The following PEAR1 variants were observed in gnomAD, a reference collection of about 807,000 sequenced individuals.
The protein encoded by PEAR1 is platelet endothelial aggregation receptor 1, also known as multiple EGF-like domains protein 12.
Under a neutral mutation model 131.2 loss-of-function variants are expected in PEAR1, and 113 were observed. That is an observed-to-expected ratio of 0.86 (90% CI 0.74 to 1.01). The LOEUF (loss-of-function observed/expected upper bound fraction) is 1.01, where lower values mean the gene tolerates loss of function less well. Ranked by LOEUF, PEAR1 falls within the 50% of genes least tolerant of loss-of-function variation. The probability of loss-of-function intolerance (pLI) is 0.00; values close to 1 mark genes in which losing one functional copy is unlikely to be tolerated. For missense variants in PEAR1, 1,408 were observed against 1,391.1 expected (o/e 1.01, Z -0.19); for synonymous variants, 565 against 523.3 (o/e 1.08, Z -1.09).
intron 1 of PEAR1, among the ~76,000 whole-genome samples, chr1:156,900,645 G>A (rs994711767): frequency 1.3e-5 from 2 of 152,156 alleles, no homozygotes; most frequent in African/African-American, 4.8e-5. Context: ...CTCAGTGAAC[G>A]ATACGTGGGG....
chr1:156,913,555 G>A lies in PEAR1; in HGVS notation c.2644+32G>A, dbSNP rs79440685. The A allele has an allele frequency of 8.9e-4, 1,428 of 1,609,154 alleles. 7 individuals carry two copies. The East Asian group carries it at 0.015, about 17-fold the overall frequency. ...GCCGGGAGGCCAGGGTCTCTGGCGC[G>A]GGTGGATGTGTGCAGCCCAGATGCC... On this transcript the variant is annotated intron_variant, in intron 20 of 22. Coordinates refer to ENST00000292357, the MANE Select transcript of PEAR1 (RefSeq NM_001080471.3).
intron 15 of PEAR1, 132 bp downstream of exon 15, chr1:156,910,875 C>T: frequency 7.7e-7 from 1 of 1,292,760 alleles, no homozygotes; most frequent in South Asian, 1.4e-5. Context: ...TACTGGGCAC[C>T]ACCTACATGC....
In PEAR1 at chr1:156,914,790, G is replaced by A. The variant is rs765756806; in HGVS notation, c.3106G>A (p.Asp1036Asn). The A allele has an allele frequency of 6.2e-7, 1 of 1,613,832 alleles. No homozygotes were observed. Among genetic ancestry groups the A allele is most frequent in the Non-Finnish European group, 8.5e-7 (1 of 1,179,820 alleles). ...CCCATCACCTCCACTTCGACGCCAG[G>A]ACCGTTGAGGAGCCAGGATGGTATG... ...HPPSPPLRRQ[D>N]R Residue 1036 changes from aspartate to asparagine, a missense_variant, in exon 23 of 23, where the codon GAC becomes AAC. Physicochemically the swap from Asp to Asn is conservative, Grantham distance 23. Transcript: ENST00000292357.
At chr1:156,897,626 T>C (rs1649287954) in intron 1 of PEAR1, among the ~76,000 whole-genome samples, 1 of 152,222 alleles carries the variant, frequency 6.6e-6, no homozygotes, top group Non-Finnish European at 1.5e-5. Context: ...CCGGCCTCCT[T>C]GAGGCCACGC....
rs758267076 is a variant in PEAR1 at position 156,905,352 on chromosome 1, G to A, written c.235G>A (p.Val79Met). 2 of 1,612,368 alleles carry A rather than the reference G, an allele frequency of 1.2e-6. No individual in the cohort carries two copies. The highest frequency in any genetic ancestry group is 2.2e-5 in the East Asian group (1 of 44,870). ...TVVYRTVYRQ[V>M]VKTDHRQRLQ... is the part of the protein sequence containing the mutation. ...TGTATACCGGACCGTGTACCGTCAG[G>A]TGGTGAAGACGGACCACCGCCAGCG... The change falls in exon 4 of 23, where the codon GTG becomes ATG. Residue 79 changes from valine (V) to methionine (M), a missense_variant. Val to Met is a conservative substitution (Grantham distance 21). Coordinates refer to ENST00000292357, the MANE Select transcript of PEAR1 (RefSeq NM_001080471.3).
In PEAR1 at chr1:156,912,775, C is replaced by T. The variant is rs1269183857; in HGVS notation, c.2215C>T (p.Gln739Ter). 2 of 1,614,136 alleles carry T rather than the reference C, an allele frequency of 1.2e-6. No individual in the cohort carries two copies. The highest frequency in any genetic ancestry group is 2.2e-5 in the South Asian group (2 of 91,082). Residue 739 changes from glutamine to a stop codon, truncating the protein, a stop_gained, in exon 18 of 23, where the codon CAG becomes TAG. Coordinates refer to ENST00000292357, the MANE Select transcript of PEAR1 (RefSeq NM_001080471.3). LOFTEE classifies it high-confidence loss of function. The part of the protein sequence containing the change: ...HSGAPCRIGI[Q>*]EPFTVMPTTP... ...GAGCACCCCATTCCACACAGGAATC[C>T]AGGAGCCCTTTACTGTGATGCCGAC...
chr1:156,914,151 A>T (rs915161196), intron 22 of PEAR1, 51 bp downstream of exon 22: 14 of 1,495,630 alleles, frequency 9.4e-6, no homozygotes, highest in Non-Finnish European at 1.2e-5. Flanking sequence ...GGGACAAGGG[A>T]GGCAGAAAAA....
At chr1:156,905,177 C>A in intron 3 of PEAR1, 147 bp from the exon 4 acceptor site, 2 of 1,050,118 alleles carry the variant, frequency 1.9e-6, no homozygotes, top group Non-Finnish European at 2.8e-6. Flanking sequence ...GATCGTAGTG[C>A]ACTGCAACCT....
At chr1:156,904,874 T>C in intron 3 of PEAR1, 22 bp downstream of exon 3, 4 of 1,613,686 alleles carry the variant, frequency 2.5e-6, no homozygotes, top group Non-Finnish European at 8.5e-7. Context: ...TCATCCTCCA[T>C]GGGTGGATGG....
chr1:156,899,080 A>C (rs938379140), intron 1 of PEAR1, among the ~76,000 whole-genome samples: 3 of 152,210 alleles, frequency 2.0e-5, no homozygotes, highest in Admixed American at 2.0e-4. Flanking sequence ...CTGTTCCAGA[A>C]TGGTCACTGG....
intron 1 of PEAR1, among the ~76,000 whole-genome samples, chr1:156,897,613 C>A (rs1649286239): frequency 1.3e-5 from 2 of 152,250 alleles, no homozygotes; most frequent in South Asian, 2.1e-4. Context: ...GGAAGAGCAA[C>A]CCCCGGCCTC....
rs573472068 is a variant in PEAR1 at position 156,909,675 on chromosome 1, C to T, written c.1412-76C>T. The T allele has an allele frequency of 5.3e-5, 80 of 1,513,872 alleles. No individual in the cohort carries two copies. In the Admixed American group the frequency reaches 1.6e-3, roughly 30 times the overall value. 93.8% of individuals were successfully genotyped at this position (1,513,872 alleles called of 1,614,324 possible). A position where few individuals can be genotyped will look rare whatever the true frequency, so the allele number is the denominator to read the frequency against. ...CCCAGCTCATAGCATAGAATCTGGC[C>T]CAGCCAGCTCCCACTGTGTGCTTGC... On this transcript the variant is annotated intron_variant, in intron 11 of 22. Coordinates refer to ENST00000292357, the MANE Select transcript of PEAR1 (RefSeq NM_001080471.3).
At position 156,908,711 on chromosome 1, in the gene PEAR1, G is replaced by A. The variant is rs1215687860; in HGVS notation, c.1172G>A (p.Cys391Tyr). The A allele has an allele frequency of 6.5e-7, 1 of 1,544,596 alleles. No individual in the cohort carries two copies. Among genetic ancestry groups the A allele is most frequent in the Non-Finnish European group, 8.7e-7 (1 of 1,149,348 alleles). Residue 391 changes from cysteine (C) to tyrosine (Y), a missense_variant, in exon 10 of 23, where the codon TGC becomes TAC. Coordinates refer to ENST00000292357, the MANE Select transcript of PEAR1 (RefSeq NM_001080471.3). The surrounding 1 kb of genome is among the most constrained non-coding windows in gnomAD (Gnocchi z 4.2). ...SCLPGWAGLH[C>Y]NESCPQDTHG... ...CTGCCGGGCTGGGCGGGCCTCCACT[G>A]CAACGAGAGCTGCCCGCAGGACACG...
In PEAR1 at chr1:156,914,785, G is replaced by A. The variant is rs1034943133; in HGVS notation, c.3101G>A (p.Arg1034His). 1.6e-5 allele frequency: 26 copies of A among 1,613,674 alleles called. No individual in the cohort carries two copies. The highest frequency in any genetic ancestry group is 3.3e-4 in the Middle Eastern group (2 of 6,078). The part of the protein sequence containing the change: ...VRHPPSPPLR[R>H]QDR ...CATCCCCCATCACCTCCACTTCGACGCCAGGACCGTTGAGGAGCCAGGATG... is the reference window on the plus strand; with the variant it reads ...CATCCCCCATCACCTCCACTTCGACACCAGGACCGTTGAGGAGCCAGGATG... Residue 1034 changes from arginine (R) to histidine (H), a missense_variant, in exon 23 of 23, where the codon CGC (arginine) becomes CAC (histidine). By Grantham distance (29) the Arg-to-His change is conservative. Coordinates refer to ENST00000292357, the MANE Select transcript of PEAR1 (RefSeq NM_001080471.3).
At position 156,905,350 on chromosome 1, in the gene PEAR1, A is replaced by T. The variant is rs910523613; in HGVS notation, c.233A>T (p.Gln78Leu). The T allele has an allele frequency of 6.2e-7, 1 of 1,612,156 alleles. No homozygotes were observed. The highest frequency in any genetic ancestry group is 1.3e-5 in the African/African-American group (1 of 74,974). The change falls in exon 4 of 23, where the codon CAG becomes CTG. Residue 78 changes from glutamine (Q) to leucine (L), a missense_variant. By Grantham distance (113) the Gln-to-Leu change is moderately radical. Coordinates refer to ENST00000292357, the MANE Select transcript of PEAR1 (RefSeq NM_001080471.3). ...GTTGTATACCGGACCGTGTACCGTC[A>T]GGTGGTGAAGACGGACCACCGCCAG... Reference protein sequence around the residue: ...PTVVYRTVYRQVVKTDHRQRL... With the variant: ...PTVVYRTVYRLVVKTDHRQRL...
At chr1:156,911,170 C>CTTT (rs1553269371) in intron 15 of PEAR1, among the ~76,000 whole-genome samples, 1 of 95,870 alleles carries the variant, frequency 1.0e-5, no homozygotes, top group African/African-American at 4.4e-5. Context: ...TTCTTTCTTT[C>CTTT]CTTTCTTTTC....
chr1:156,906,491 C>T (rs1354028805), intron 5 of PEAR1, 123 bp downstream of exon 5: 1 of 1,525,224 alleles, frequency 6.6e-7, no homozygotes. Context: ...CGCCAGAGCC[C>T]CATTGCTGCC....
At position 156,909,898 on chromosome 1, in the gene PEAR1, G is replaced by A; in HGVS notation, c.1559G>A (p.Cys520Tyr). ...ACCCCTGGGTGGCATGGGGCCCACT[G>A]CCAGCTGCCCTGTCCGGTGAGTGCT... is the stretch of plus-strand genomic sequence containing the variant. Reference protein sequence around the residue: ...TCTPGWHGAHCQLPCPKGQFG... With the variant: ...TCTPGWHGAHYQLPCPKGQFG... The change falls in exon 12 of 23, where the codon TGC (cysteine) becomes TAC (tyrosine). Residue 520 changes from cysteine (C) to tyrosine (Y), a missense_variant. Cys to Tyr is a radical substitution (Grantham distance 194). Transcript: ENST00000292357. 6.2e-7 allele frequency: 1 copy of A among 1,608,206 alleles called. No homozygotes were observed. The highest frequency in any genetic ancestry group is 8.5e-7 in the Non-Finnish European group (1 of 1,175,858).
rs1650939673 is a variant in PEAR1 at position 156,910,510 on chromosome 1, C to T, written c.1826-108C>T. On this transcript the variant is annotated intron_variant, in intron 14 of 22. Coordinates refer to ENST00000292357, the MANE Select transcript of PEAR1 (RefSeq NM_001080471.3). ...TTACCCCCGGTCTCTTCCTCTGACC[C>T]GTCTTCAGACTAGTTACTGCAGTGG... 1.7e-5 allele frequency: 26 copies of T among 1,553,340 alleles called. No homozygotes were observed. The South Asian group carries it at 2.8e-4, about 17-fold the overall frequency.
Sources: allele counts gnomAD v4.1 joint callset (sites outside exome capture counted in the v4.1 genomes callset), GRCh38; gene constraint gnomAD v4.1.1; non-coding constraint Gnocchi (gnomAD v3.1); transcripts MANE v1.5; gene names NCBI Gene and HGNC (gene_info 2026-07-23, HGNC 2026-07-21).